The following DOCK3 variants were observed in gnomAD, a reference collection of about 807,000 sequenced individuals.
The protein encoded by DOCK3 is dedicator of cytokinesis 3.
Under a neutral mutation model 265.6 loss-of-function variants are expected in DOCK3, and 60 were observed. The ratio of observed to expected loss-of-function variants is 0.23; its 90% CI spans 0.18 to 0.28. DOCK3 has a LOEUF of 0.28. Among genes scored for constraint, DOCK3 ranks in the 10% least tolerant of loss-of-function variants. The pLI is 1.00. For missense variants in DOCK3, 1,981 were observed against 2,594.3 expected (o/e 0.76, Z 5.14); for synonymous variants, 881 against 938.0 (o/e 0.94, Z 1.11).
At chr3:51,269,183 A>C (rs949608236) in intron 23 of DOCK3, among the ~76,000 whole-genome samples, 1 of 147,948 alleles carries the variant, frequency 6.8e-6, no homozygotes, top group African/African-American at 2.5e-5. Flanking sequence ...ACATATAATA[A>C]TATACATATA....
chr3:51,359,263 C>A lies in DOCK3; in HGVS notation c.4884+1186C>A, dbSNP rs1308180957. ...TCTCCGTCCCTCCAGGCTCCCAGTG[C>A]AGGTCTCAGCCTGTGTGGACAAGTG... is the stretch of plus-strand genomic sequence containing the variant. On this transcript the variant is annotated intron_variant, in intron 46 of 52. Transcript: ENST00000266037. This position sits in a 1 kb window ranked among gnomAD's most constrained non-coding sequence, Gnocchi z 4.8. Among the ~76,000 whole-genome samples the A allele has an allele frequency of 1.3e-5, 2 of 152,196 alleles. No homozygotes were observed. Among genetic ancestry groups the A allele is most frequent in the African/African-American group, 4.8e-5 (2 of 41,448 alleles).
At chr3:51,352,151 G>A (rs12493978) in intron 40 of DOCK3, among the ~76,000 whole-genome samples, 12,799 of 152,248 alleles carry the variant, frequency 0.084, 1,198 homozygotes, top group East Asian at 0.34. Context: ...AGCATTTCCA[G>A]AAAGTCCTTT....
At chr3:50,810,700 T>G (rs1362479384) in intron 2 of DOCK3, among the ~76,000 whole-genome samples, 2 of 151,976 alleles carry the variant, frequency 1.3e-5, no homozygotes, top group Non-Finnish European at 2.9e-5. Flanking sequence ...GAAAAATATA[T>G]TAAATAAAAG....
intron 1 of DOCK3, among the ~76,000 whole-genome samples, chr3:50,689,411 T>C (rs1449180701): frequency 6.6e-6 from 1 of 152,160 alleles, no homozygotes; most frequent in Non-Finnish European, 1.5e-5. Context: ...CTTCTTCACA[T>C]GGCAACAGCA....
rs535698687 is a variant in DOCK3 at position 51,200,914 on chromosome 3, C to A, written c.1038-7860C>A. The stretch of plus-strand genomic sequence containing the variant: ...AATTTTCAACCACAAATTTCATATG[C>A]AGCCAAACTAAGCTTCATAAGTGAA... On this transcript the variant is annotated intron_variant, in intron 12 of 52. Transcript: ENST00000266037. Among the ~76,000 whole-genome samples, 6 of 152,188 alleles carry A rather than the reference C, an allele frequency of 3.9e-5. No homozygotes were observed. In the South Asian group the frequency reaches 1.0e-3, roughly 26 times the overall value.
At chr3:51,017,976 T>G (rs1027816289) in intron 5 of DOCK3, among the ~76,000 whole-genome samples, 1 of 151,732 alleles carries the variant, frequency 6.6e-6, no homozygotes, top group African/African-American at 2.4e-5. Flanking sequence ...CACTGTAACC[T>G]CTGCCTCCCA....
At chr3:51,082,150 A>G (rs1315618620) in intron 7 of DOCK3, among the ~76,000 whole-genome samples, 1 of 152,028 alleles carries the variant, frequency 6.6e-6, no homozygotes, top group African/African-American at 2.4e-5. Context: ...TTGTGGAGAA[A>G]AGGCATTGTT....
Position 51,381,116 on chromosome 3 carries a change from A to G in DOCK3, c.5650A>G (p.Thr1884Ala). The G allele has an allele frequency of 1.2e-6, 2 of 1,613,742 alleles. No individual in the cohort carries two copies. The highest frequency in any genetic ancestry group is 1.7e-6 in the Non-Finnish European group (2 of 1,179,838). The change falls in exon 53 of 53, where the codon ACG becomes GCG. Residue 1884 changes from threonine (T) to alanine (A), a missense_variant. Physicochemically the swap from Thr to Ala is moderately conservative, Grantham distance 58 (BLOSUM62 0). Transcript: ENST00000266037. The surrounding 1 kb of genome is among the most constrained non-coding windows in gnomAD (Gnocchi z 5.6). ...PQSGLDGSNS[T>A]LSGSASSGVS... ...GTCAGGTCTGGACGGCAGCAACTCT[A>G]CGCTGTCCGGCAGTGCCAGCAGCGG...
rs187676046 is a variant in DOCK3, at chr3:50,979,112, C to G, written c.315+45035C>G. ...TGCAGAAATCACCCGTCTTCTGCGCCGCTCACGCTGGGAGCTGTAGACCGG... is the reference window on the plus strand; with the variant it reads ...TGCAGAAATCACCCGTCTTCTGCGCGGCTCACGCTGGGAGCTGTAGACCGG... On this transcript the variant is annotated intron_variant, in intron 5 of 52. Transcript: ENST00000266037. 4.3e-3 allele frequency among the ~76,000 whole-genome samples: 658 copies of G among 152,294 alleles called. 22 individuals are homozygous for G. The highest frequency in any genetic ancestry group is 0.038 in the Admixed American group (578 of 15,310).
At chr3:51,037,391 G>A (rs1370256386) in intron 5 of DOCK3, among the ~76,000 whole-genome samples, 1 of 152,022 alleles carries the variant, frequency 6.6e-6, no homozygotes, top group Non-Finnish European at 1.5e-5. Context: ...TATTTTGATT[G>A]TGGTCATAAT....
chr3:50,726,055 T>A (rs759225100), intron 1 of DOCK3, among the ~76,000 whole-genome samples: 4 of 152,108 alleles, frequency 2.6e-5, no homozygotes, highest in Admixed American at 2.6e-4. Context: ...CCTGTGCACA[T>A]CCTCCCATAT....
chr3:50,725,146 T>G (rs527432129), intron 1 of DOCK3, among the ~76,000 whole-genome samples: 2 of 152,284 alleles, frequency 1.3e-5, no homozygotes, highest in South Asian at 4.1e-4. Flanking sequence ...AAAAGGCATC[T>G]TATGAAAGCA....
intron 32 of DOCK3, among the ~76,000 whole-genome samples, chr3:51,321,540 G>A (rs1214794950): frequency 6.6e-6 from 1 of 152,116 alleles, no homozygotes; most frequent in East Asian, 1.9e-4. Flanking sequence ...CCAAGCTAAA[G>A]GAGCATGTTC....
At chr3:50,856,471 C>T (rs1456045986) in intron 3 of DOCK3, among the ~76,000 whole-genome samples, 1 of 151,694 alleles carries the variant, frequency 6.6e-6, no homozygotes, top group Non-Finnish European at 1.5e-5. Flanking sequence ...TGTTTGTTGG[C>T]CACATGTATG....
chr3:51,319,874 AAAC>A lies in DOCK3; in HGVS notation c.3402+4758_3402+4760del, dbSNP rs530408866. ...GCGAGACTCCATCTCAAAAAAAAAC[AAAC>A]AACAACAACAAAAAAACGCAATAGC... On this transcript the variant is annotated intron_variant, in intron 32 of 52. Transcript: ENST00000266037. Among the ~76,000 whole-genome samples, 32 of 148,812 alleles carry A rather than the reference AAAC, an allele frequency of 2.2e-4. No individual in the cohort carries two copies. In the South Asian group the frequency reaches 5.2e-3, roughly 24 times the overall value.
At chr3:50,928,088 T>A (rs2108105599) in intron 4 of DOCK3, among the ~76,000 whole-genome samples, 1 of 150,370 alleles carries the variant, frequency 6.7e-6, no homozygotes, top group African/African-American at 2.4e-5. Flanking sequence ...TGAGGTTTCC[T>A]TTTTTCACTG....
chr3:50,804,240 TC>T (rs1262933377), intron 2 of DOCK3, among the ~76,000 whole-genome samples: 1 of 150,218 alleles, frequency 6.7e-6, no homozygotes, highest in Non-Finnish European at 1.5e-5. Flanking sequence ...GAAGAGGCGC[TC>T]CTCACTTCCC....
chr3:51,187,084 C>T (rs903206093), intron 12 of DOCK3, among the ~76,000 whole-genome samples: 1 of 152,150 alleles, frequency 6.6e-6, no homozygotes, highest in Admixed American at 6.5e-5. Flanking sequence ...CACCCTGCTC[C>T]TGGAAAAGCC....
chr3:51,343,971 A>T (rs1350039601), intron 38 of DOCK3, among the ~76,000 whole-genome samples: 1 of 152,160 alleles, frequency 6.6e-6, no homozygotes, highest in African/African-American at 2.4e-5. Context: ...CTCCAAAGAG[A>T]CAGGATATGG....
Sources: allele counts gnomAD v4.1 joint callset (sites outside exome capture counted in the v4.1 genomes callset), GRCh38; gene constraint gnomAD v4.1.1; non-coding constraint Gnocchi (gnomAD v3.1); transcripts MANE v1.5; gene names NCBI Gene and HGNC (gene_info 2026-07-23, HGNC 2026-07-21).